Variants in SLC4A7 observed in about 807,000 individuals in gnomAD.
SLC4A7 encodes sodium bicarbonate cotransporter 3.
SLC4A7 carries 51 observed loss-of-function variants against 137.6 expected under a neutral mutation model. That is an observed-to-expected ratio of 0.37 (90% CI 0.30 to 0.47). The LOEUF (loss-of-function observed/expected upper bound fraction) is 0.47, where lower values mean the gene tolerates loss of function less well. SLC4A7 is among the 20% of genes least tolerant of loss of function. The pLI, the probability that SLC4A7 is intolerant of heterozygous loss-of-function variation, is 1.00. For synonymous variants in SLC4A7, 542 were observed against 518.6 expected (o/e 1.05, Z -0.61); for missense variants, 1,247 against 1,525.4 (o/e 0.82, Z 3.04).
At chr3:27,382,095 G>A (rs2050479432) in intron 24 of SLC4A7, among the ~76,000 whole-genome samples, 4 of 152,038 alleles carry the variant, frequency 2.6e-5, no homozygotes, top group Admixed American at 2.6e-4. Context: ...ATACAAATCA[G>A]GTGTGTACAC....
At chr3:27,379,858 A>T (rs1163778781) in intron 24 of SLC4A7, among the ~76,000 whole-genome samples, 1 of 152,248 alleles carries the variant, frequency 6.6e-6, no homozygotes, top group Non-Finnish European at 1.5e-5. Context: ...AAATCATTAT[A>T]AAGAATGCTT....
At chr3:27,437,784 T>G (rs906890125) in intron 3 of SLC4A7, among the ~76,000 whole-genome samples, 2 of 151,174 alleles carry the variant, frequency 1.3e-5, no homozygotes, top group East Asian at 1.9e-4. Flanking sequence ...TCAAACTAAC[T>G]TTATAACTGA....
chr3:27,484,074 GT>G lies in SLC4A7; in HGVS notation c.52del (p.Thr18ArgfsTer20). The G allele has an allele frequency of 7.1e-7, 1 of 1,408,338 alleles. No homozygotes were observed. Among genetic ancestry groups the G allele is most frequent in the Non-Finnish European group, 9.3e-7 (1 of 1,077,076 alleles). 87.2% of individuals were successfully genotyped at this position (1,408,338 alleles called of 1,614,324 possible). A position where few individuals can be genotyped will look rare whatever the true frequency, so the allele number is the denominator to read the frequency against. ...CCGCCGCGGCGCCCTCACCCTGCTC[GT>G]TACCCGGGTGAGTAGCGGTCTCATC... ...EQMRPLLTRV[T>X]SRGPDEEAVV... On this transcript the variant is annotated frameshift_variant, in exon 1 of 26. Coordinates refer to ENST00000454389, the MANE Select transcript of SLC4A7 (RefSeq NM_001321103.2). LOFTEE classifies it high-confidence loss of function.
In SLC4A7 at chr3:27,424,498, T is replaced by TA. The variant is rs1233524072; in HGVS notation, c.1151-347dup. 3 of 165,020 alleles carry TA rather than the reference T, an allele frequency of 1.8e-5. No individual in the cohort carries two copies. In the Admixed American group the frequency reaches 1.9e-4, roughly 10 times the overall value. The allele number at this position is 165,020 out of a possible 1,614,324, so 10.2% of individuals were successfully genotyped here. On this transcript the variant is annotated intron_variant, in intron 7 of 25. Coordinates refer to ENST00000454389, the MANE Select transcript of SLC4A7 (RefSeq NM_001321103.2). ...TTAGGGAATATACTTTTAATTATCA[T>TA]AAACATGTGAAATGCATGGAACTTA...
chr3:27,417,609 C>G, intron 11 of SLC4A7, among the ~76,000 whole-genome samples: 1 of 151,976 alleles, frequency 6.6e-6, no homozygotes, highest in East Asian at 1.9e-4. Context: ...AAAAAATTAG[C>G]TGGGGCTGGT....
chr3:27,446,866 TTTTTTTTTG>T (rs1377787208), intron 3 of SLC4A7, among the ~76,000 whole-genome samples: 4 of 82,578 alleles, frequency 4.8e-5, no homozygotes, highest in South Asian at 5.0e-4. Context: ...CTTAGTAGAG[TTTTTTTTTG>T]TTTTTTTTTG....
chr3:27,462,565 G>A (rs1182907579), intron 1 of SLC4A7: 1 of 152,650 alleles, frequency 6.6e-6, no homozygotes, highest in African/African-American at 2.4e-5. Context: ...ATGTAAAATC[G>A]CCGAAGATGA....
chr3:27,417,854 C>T (rs189525837), intron 11 of SLC4A7, among the ~76,000 whole-genome samples: 6 of 152,264 alleles, frequency 3.9e-5, no homozygotes, highest in East Asian at 3.9e-4. Flanking sequence ...CACACACTGT[C>T]GGTGAGGATG....
In SLC4A7 at chr3:27,452,309, A is replaced by G. The variant is rs2058126759; in HGVS notation, c.142+108T>C. 2.3e-5 allele frequency: 16 copies of G among 709,404 alleles called. No homozygotes were observed. The South Asian group carries it at 2.4e-4, about 10-fold the overall frequency. The allele number at this position is 709,404 out of a possible 1,614,324, so 43.9% of individuals were successfully genotyped here. ...TCAATGTACGCTTTACCTTACAACA[A>G]TAACAAAAAAACTCAACAAATACTA... is the stretch of plus-strand genomic sequence containing the variant. On this transcript the variant is annotated intron_variant, in intron 2 of 25. Transcript: ENST00000454389.
chr3:27,439,165 A>C (rs1307138584), intron 3 of SLC4A7, among the ~76,000 whole-genome samples: 11 of 152,228 alleles, frequency 7.2e-5, no homozygotes. Flanking sequence ...TAAAGAGTAG[A>C]TTCAATGGAA....
chr3:27,446,893 TGTTTTTTTTA>T (rs2057697336), intron 3 of SLC4A7, among the ~76,000 whole-genome samples: 2 of 88,642 alleles, frequency 2.3e-5, no homozygotes, highest in Non-Finnish European at 4.7e-5. Flanking sequence ...TTGTTTTTTT[TGTTTTTTTTA>T]AACAGAGTCT....
At chr3:27,418,240 C>T (rs1272427556) in intron 11 of SLC4A7, among the ~76,000 whole-genome samples, 1 of 152,076 alleles carries the variant, frequency 6.6e-6, no homozygotes, top group Non-Finnish European at 1.5e-5. Flanking sequence ...ATATGCAATA[C>T]ACTAACTTTT....
intron 20 of SLC4A7, among the ~76,000 whole-genome samples, chr3:27,393,589 T>C (rs1232140893): frequency 6.6e-6 from 1 of 152,204 alleles, no homozygotes; most frequent in Non-Finnish European, 1.5e-5. Context: ...AGGCTTGGGC[T>C]GGAGTAAAAT....
chr3:27,481,082 G>T (rs768147940), intron 1 of SLC4A7, among the ~76,000 whole-genome samples: 3 of 152,118 alleles, frequency 2.0e-5, no homozygotes, highest in African/African-American at 7.2e-5. Context: ...TTAAAAGAAA[G>T]TAGATTACCT....
Position 27,398,222 on chromosome 3 carries a change from T to C in SLC4A7, c.2559A>G (p.Gln853=). The change falls in exon 17 of 26, where the codon CAA becomes CAG. Residue 853 remains glutamine, a synonymous_variant. Coordinates refer to ENST00000454389, the MANE Select transcript of SLC4A7 (RefSeq NM_001321103.2). Reference sequence around the variant, plus strand: ...TAGGAAAGTAACGCTTGGTCTTAAATTGCTTGAGGAATGAAGACAGAAAAA... The same window carrying C: ...TAGGAAAGTAACGCTTGGTCTTAAACTGCTTGAGGAATGAAGACAGAAAAA... ...TTFFLSSFLK[Q]FKTKRYFPTK... 1 of 1,613,054 alleles carries C rather than the reference T, an allele frequency of 6.2e-7. No homozygotes were observed. Among genetic ancestry groups the C allele is most frequent in the Non-Finnish European group, 8.5e-7 (1 of 1,179,382 alleles).
intron 11 of SLC4A7, among the ~76,000 whole-genome samples, chr3:27,412,485 T>C (rs1317180062): frequency 1.3e-5 from 2 of 152,132 alleles, no homozygotes; most frequent in East Asian, 1.9e-4. Flanking sequence ...TCAAAGGCTC[T>C]AGGTGAATAA....
chr3:27,396,621 T>A (rs138103424), intron 18 of SLC4A7, among the ~76,000 whole-genome samples: 150 of 152,190 alleles, frequency 9.9e-4, no homozygotes, highest in African/African-American at 3.6e-3. Context: ...CATTTTGGTC[T>A]CAGTGCAATA....
At chr3:27,427,179 C>T (rs547536180) in intron 7 of SLC4A7, among the ~76,000 whole-genome samples, 25 of 152,274 alleles carry the variant, frequency 1.6e-4, no homozygotes, top group African/African-American at 6.0e-4. Context: ...TGCTAAACAT[C>T]CTATAAAGCA....
At chr3:27,420,921 A>G in intron 9 of SLC4A7, 134 bp from the exon 10 acceptor site, 1 of 534,350 alleles carries the variant, frequency 1.9e-6, no homozygotes, top group East Asian at 3.1e-5. Flanking sequence ...CCCCACACCA[A>G]TCACTGAAAA....
Sources: gnomAD v4.1 joint callset for allele counts (sites outside exome capture counted in the v4.1 genomes callset) on GRCh38, gnomAD v4.1.1 for gene constraint, MANE v1.5 for transcripts, NCBI Gene and HGNC (gene_info 2026-07-23, HGNC 2026-07-21) for gene names.